Variants in NEBL observed in about 807,000 individuals in gnomAD.
The protein encoded by NEBL is nebulette.
Under a neutral mutation model 140.2 loss-of-function variants are expected in NEBL, and 122 were observed. That is an observed-to-expected ratio of 0.87 (90% CI 0.75 to 1.01). The LOEUF (loss-of-function observed/expected upper bound fraction) is 1.01. Among genes scored for constraint, NEBL ranks in the 50% least tolerant of loss-of-function variants. The probability of loss-of-function intolerance (pLI) is 0.00; values close to 1 mark genes in which losing one functional copy is unlikely to be tolerated. For missense variants in NEBL, 1,365 were observed against 1,231.3 expected (o/e 1.11, Z -1.62); for synonymous variants, 436 against 398.9 (o/e 1.09, Z -1.11).
chr10:20,979,509 G>C (rs186476502), intron 3 of NEBL, among the ~76,000 whole-genome samples: 1 of 152,192 alleles, frequency 6.6e-6, no homozygotes, highest in African/African-American at 2.4e-5. Context: ...ATAATTCTCA[G>C]AAGAGATCTA....
intron 1 of NEBL, among the ~76,000 whole-genome samples, chr10:21,276,553 A>G (rs1373158107): frequency 6.6e-6 from 1 of 152,156 alleles, no homozygotes; most frequent in African/African-American, 2.4e-5. Flanking sequence ...CCACTCGAGT[A>G]TGATGGCTCA....
chr10:21,185,275 G>A (rs1841446629), intron 3 of NEBL, among the ~76,000 whole-genome samples: 1 of 152,056 alleles, frequency 6.6e-6, no homozygotes, highest in South Asian at 2.1e-4. Context: ...AGAGTGAAAG[G>A]GCATGAAAAG....
At chr10:21,177,359 C>T (rs978224004), upstream of NEBL, among the ~76,000 whole-genome samples, 1 of 152,064 alleles carries the variant, frequency 6.6e-6, no homozygotes. Context: ...CTTCACATGA[C>T]GGGAGTAAGA....
At chr10:20,986,956 T>C (rs1474708668) in intron 3 of NEBL, among the ~76,000 whole-genome samples, 1 of 152,238 alleles carries the variant, frequency 6.6e-6, no homozygotes, top group Admixed American at 6.5e-5. Context: ...CAAAAAAATG[T>C]TATCGACTTA....
Position 21,112,866 on chromosome 10 carries a change from C to T in NEBL, c.164+59517G>A, listed in dbSNP as rs1838095865. The T allele has an allele frequency of 1.0e-5, 3 of 301,488 alleles. No individual in the cohort carries two copies. The South Asian group carries it at 1.2e-4, about 12-fold the overall frequency. 18.7% of individuals were successfully genotyped at this position (301,488 alleles called of 1,614,324 possible). On this transcript the variant is annotated intron_variant, in intron 2 of 6. Coordinates refer to the NEBL transcript ENST00000417816. ...GTGTGGTTCAGGGCCTGTACATATT[C>T]ATAGACAGTATTTAGTATCTGTGGA...
intron 26 of NEBL, among the ~76,000 whole-genome samples, chr10:20,788,090 C>A (rs1396317950): frequency 1.3e-5 from 2 of 152,138 alleles, no homozygotes; most frequent in Non-Finnish European, 2.9e-5. Flanking sequence ...TTTTGAAGAA[C>A]TCGGAATTCT....
rs763471938 is a variant in NEBL at position 21,172,348 on chromosome 10, G to A, written c.164+35C>T. ...CCACTGGCTCTCAAGCTCTGAGGCT[G>A]TGCCACACCTGGACAGCGTGTTGAC... On this transcript the variant is annotated intron_variant, in intron 2 of 6. Transcript: ENST00000417816. 5.3e-6 allele frequency: 8 copies of A among 1,518,384 alleles called. No homozygotes were observed. In the African/African-American group the frequency reaches 8.2e-5, roughly 16 times the overall value. The allele number at this position is 1,518,384 out of a possible 1,614,324, so 94.1% of individuals were successfully genotyped here. A position where few individuals can be genotyped will look rare whatever the true frequency, so the allele number is the denominator to read the frequency against.
At chr10:21,291,782 G>C (rs1463964327) in intron 1 of NEBL, among the ~76,000 whole-genome samples, 1 of 151,890 alleles carries the variant, frequency 6.6e-6, no homozygotes, top group Non-Finnish European at 1.5e-5. Context: ...AGGCGTGGTG[G>C]TGGACGCCTG....
chr10:20,800,395 C>T (rs144702224), intron 26 of NEBL, among the ~76,000 whole-genome samples: 1 of 152,170 alleles, frequency 6.6e-6, no homozygotes, highest in Admixed American at 6.5e-5. Context: ...TAAGTTGTTT[C>T]CATATCTTGG....
chr10:21,233,050 A>G (rs567234570), intron 3 of NEBL, among the ~76,000 whole-genome samples: 3 of 152,176 alleles, frequency 2.0e-5, no homozygotes, highest in African/African-American at 4.8e-5. Flanking sequence ...GCCTTTTCCT[A>G]TCTTAGGTTC....
chr10:21,024,646 A>AAC, intron 2 of NEBL, among the ~76,000 whole-genome samples: 2 of 152,114 alleles, frequency 1.3e-5, no homozygotes, highest in African/African-American at 4.8e-5. Flanking sequence ...TGAAAATTAC[A>AAC]ATATCTGTAG....
At chr10:21,179,259 A>T (rs1424616576), upstream of NEBL, among the ~76,000 whole-genome samples, 1 of 152,196 alleles carries the variant, frequency 6.6e-6, no homozygotes, top group African/African-American at 2.4e-5. Context: ...TCAGAATCAC[A>T]TAGACCCTGT....
chr10:20,931,824 A>G (rs1037047887), intron 4 of NEBL, among the ~76,000 whole-genome samples: 3 of 152,238 alleles, frequency 2.0e-5, no homozygotes, highest in African/African-American at 7.2e-5. Flanking sequence ...AGGTAAAGAA[A>G]GTCCCACACT....
At chr10:20,878,321 C>T (rs1291466748) in intron 5 of NEBL, among the ~76,000 whole-genome samples, 2 of 152,132 alleles carry the variant, frequency 1.3e-5, no homozygotes, top group Non-Finnish European at 2.9e-5. Context: ...TGTTGACTTC[C>T]ATTGTTTTCA....
chr10:20,956,864 T>C (rs1353350610), intron 4 of NEBL, among the ~76,000 whole-genome samples: 1 of 152,180 alleles, frequency 6.6e-6, no homozygotes, highest in Admixed American at 6.5e-5. Flanking sequence ...TCATACACGA[T>C]AATTTTGCCA....
chr10:21,059,665 G>T (rs1171703968), intron 2 of NEBL, among the ~76,000 whole-genome samples: 1 of 152,142 alleles, frequency 6.6e-6, no homozygotes, highest in Non-Finnish European at 1.5e-5. Flanking sequence ...TAAAACTCAG[G>T]TTATTTACTG....
At chr10:21,262,527 T>A (rs1304449606) in intron 1 of NEBL, among the ~76,000 whole-genome samples, 2 of 152,174 alleles carry the variant, frequency 1.3e-5, no homozygotes, top group Non-Finnish European at 2.9e-5. Flanking sequence ...GCAAAATGTA[T>A]CTGGGATTGG....
chr10:21,035,143 G>A (rs1221642896), intron 2 of NEBL, among the ~76,000 whole-genome samples: 4 of 151,818 alleles, frequency 2.6e-5, no homozygotes, highest in South Asian at 2.1e-4. Context: ...GATTGCAGGC[G>A]CCTGCCACCA....
At chr10:20,798,262 T>C (rs1192761174) in intron 26 of NEBL, among the ~76,000 whole-genome samples, 1 of 152,164 alleles carries the variant, frequency 6.6e-6, no homozygotes, top group Admixed American at 6.5e-5. Context: ...AGAAAATTCA[T>C]ACACTATTTC....
Sources: allele counts gnomAD v4.1 joint callset (sites outside exome capture counted in the v4.1 genomes callset), GRCh38; gene constraint gnomAD v4.1.1; transcripts MANE v1.5; gene names NCBI Gene and HGNC (gene_info 2026-07-23, HGNC 2026-07-21).